STIM2: variants seen among roughly 807,000 people sequenced by gnomAD.
STIM2 encodes stromal interaction molecule 2.
In STIM2, 31 loss-of-function variants were observed where a neutral mutation model predicts 85.8. The ratio of observed to expected loss-of-function variants is 0.36; its 90% CI spans 0.27 to 0.49. The LOEUF (loss-of-function observed/expected upper bound fraction) is 0.49, where lower values mean the gene tolerates loss of function less well. Ranked by LOEUF, STIM2 falls within the 20% of genes least tolerant of loss-of-function variation. The pLI is 0.98. For synonymous variants in STIM2, 356 were observed against 331.1 expected (o/e 1.08, Z -0.82); for missense variants, 841 against 927.6 (o/e 0.91, Z 1.21).
At chr4:26,886,390 TTATC>T (rs1723252537) in intron 1 of STIM2, among the ~76,000 whole-genome samples, 1 of 152,210 alleles carries the variant, frequency 6.6e-6, no homozygotes, top group Admixed American at 6.5e-5. Context: ...AGACAAATAT[TTATC>T]AGGAGATGAT....
chr4:26,966,046 G>A (rs1392584957), intron 3 of STIM2, among the ~76,000 whole-genome samples: 1 of 152,036 alleles, frequency 6.6e-6, no homozygotes, highest in Non-Finnish European at 1.5e-5. Flanking sequence ...GCCTTATTAT[G>A]GTTTTCTATA....
Position 26,861,225 on chromosome 4 carries a change from G to C in STIM2, c.7G>C (p.Val3Leu), listed in dbSNP as rs1722168150. Residue 3 changes from valine (V) to leucine (L), a missense_variant, in exon 1 of 12, where the codon GTG becomes CTG. This residue lies in a region of STIM2 where 140 missense variants were observed against 117.7 expected (regional missense o/e 1.19). Coordinates refer to ENST00000467087, the MANE Select transcript of STIM2 (RefSeq NM_020860.4). The stretch of plus-strand genomic sequence containing the variant: ...GCGGCGGCGCTGGGCTGCGTTGCTG[G>C]TGCTCGGGCTGCTGGTAGCCGGAGC... 1.3e-6 allele frequency: 2 copies of C among 1,492,138 alleles called. No homozygotes were observed. The highest frequency in any genetic ancestry group is 1.4e-5 in the African/African-American group (1 of 69,172). The allele number at this position is 1,492,138 out of a possible 1,614,324, so 92.4% of individuals were successfully genotyped here.
intron 2 of STIM2, among the ~76,000 whole-genome samples, chr4:26,949,787 G>A (rs1414885421): frequency 6.6e-6 from 1 of 152,018 alleles, no homozygotes; most frequent in Non-Finnish European, 1.5e-5. Flanking sequence ...TTATCTTCCT[G>A]ATGGCCCATC....
intron 1 of STIM2, among the ~76,000 whole-genome samples, chr4:26,891,592 CACACA>C (rs1336377005): frequency 2.7e-5 from 4 of 146,748 alleles, no homozygotes; most frequent in South Asian, 2.1e-4. Flanking sequence ...CACACACACA[CACACA>C]CCCCCTTTTG....
chr4:26,861,746 ATTGCGGTATTGAGT>A (rs1722210970), intron 1 of STIM2: 1 of 150,300 alleles, frequency 6.7e-6, no homozygotes, highest in Admixed American at 7.3e-5. Context: ...CAGCAGCAGC[ATTGCGGTATTGAGT>A]CTACCTCTGG....
chr4:26,936,210 C>T (rs1429304176), intron 2 of STIM2, among the ~76,000 whole-genome samples: 1 of 152,258 alleles, frequency 6.6e-6, no homozygotes, highest in East Asian at 1.9e-4. Flanking sequence ...TCTACCTGGT[C>T]CCAGCATTTA....
chr4:26,891,089 A>T (rs1723458476), intron 1 of STIM2, among the ~76,000 whole-genome samples: 1 of 152,220 alleles, frequency 6.6e-6, no homozygotes, highest in South Asian at 2.1e-4. Flanking sequence ...TAATAGCTTT[A>T]TAGTTCAGTT....
At chr4:26,970,713 G>A (rs1043597185) in intron 3 of STIM2, among the ~76,000 whole-genome samples, 5 of 152,158 alleles carry the variant, frequency 3.3e-5, no homozygotes, top group African/African-American at 1.2e-4. Flanking sequence ...ACGTGTGCAT[G>A]TGTCTTTATA....
intron 3 of STIM2, among the ~76,000 whole-genome samples, chr4:26,990,397 A>C (rs561823261): frequency 6.6e-6 from 1 of 152,320 alleles, no homozygotes; most frequent in African/African-American, 2.4e-5. Flanking sequence ...AAAACTGGAT[A>C]TCTCTATGCA....
At chr4:26,909,849 C>T (rs867084108) in intron 1 of STIM2, among the ~76,000 whole-genome samples, 4 of 152,234 alleles carry the variant, frequency 2.6e-5, no homozygotes, top group East Asian at 1.9e-4. Context: ...GTGCTCATAA[C>T]GTGGTTAATG....
At chr4:26,959,120 T>G (rs1295680269) in intron 3 of STIM2, among the ~76,000 whole-genome samples, 1 of 152,212 alleles carries the variant, frequency 6.6e-6, no homozygotes, top group Non-Finnish European at 1.5e-5. Context: ...GTAAATTAGA[T>G]CTGCTCATTA....
chr4:26,901,792 C>G (rs1042789740), intron 1 of STIM2, among the ~76,000 whole-genome samples: 1 of 152,140 alleles, frequency 6.6e-6, no homozygotes, highest in Non-Finnish European at 1.5e-5. Flanking sequence ...GAGCTTAGGT[C>G]TGACTCCAGA....
Position 27,002,449 on chromosome 4 carries a change from A to T in STIM2, c.803+55A>T. ...TGTAGGCAAATACAATTTGTAAAAA[A>T]AGTGATATGGGCATGTGCTTAAATA... On this transcript the variant is annotated intron_variant, in intron 6 of 11. Transcript: ENST00000467087. The T allele has an allele frequency of 5.7e-6, 8 of 1,409,916 alleles. No individual in the cohort carries two copies. The South Asian group carries it at 1.1e-4, about 19-fold the overall frequency. 87.3% of individuals were successfully genotyped at this position (1,409,916 alleles called of 1,614,324 possible). A position where few individuals can be genotyped will look rare whatever the true frequency, so the allele number is the denominator to read the frequency against.
At chr4:26,868,215 G>A (rs1198990708) in intron 1 of STIM2, among the ~76,000 whole-genome samples, 20 of 152,314 alleles carry the variant, frequency 1.3e-4, no homozygotes. Flanking sequence ...ACAGAGCCTG[G>A]CAAGCGCAGT....
At chr4:26,958,863 A>G (rs1470479299) in intron 3 of STIM2, among the ~76,000 whole-genome samples, 1 of 152,172 alleles carries the variant, frequency 6.6e-6, no homozygotes, top group East Asian at 1.9e-4. Context: ...CTAAGAAGGG[A>G]GGTGGAGATC....
In STIM2 at chr4:26,981,839, A is replaced by G. The variant is rs1031428466; in HGVS notation, c.398-13540A>G. Among the ~76,000 whole-genome samples the G allele has an allele frequency of 2.0e-4, 30 of 152,068 alleles. 1 individual carries two copies. Among genetic ancestry groups the G allele is most frequent in the Admixed American group, 1.2e-3 (18 of 15,270 alleles). ...CAGGAGTGATTCTTTTTATTATATC[A>G]TTTTGGGTGGCACTTGGTATCATTT... is the stretch of plus-strand genomic sequence containing the variant. On this transcript the variant is annotated intron_variant, in intron 3 of 11. Transcript: ENST00000467087.
rs117983118 is a variant in STIM2 at position 26,883,945 on chromosome 4, C to G, written c.151+22576C>G. Reference sequence around the variant, plus strand: ...ATTTATCTTAGTCTTTGAAAAGTTACTGTGAACAGTAGTATTATCAGATTG... The same window carrying G: ...ATTTATCTTAGTCTTTGAAAAGTTAGTGTGAACAGTAGTATTATCAGATTG... On this transcript the variant is annotated intron_variant, in intron 1 of 11. Coordinates refer to ENST00000467087, the MANE Select transcript of STIM2 (RefSeq NM_020860.4). 1.4e-4 allele frequency among the ~76,000 whole-genome samples: 21 copies of G among 152,290 alleles called. No individual in the cohort carries two copies. The East Asian group carries it at 2.9e-3, about 21-fold the overall frequency.
intron 6 of STIM2, among the ~76,000 whole-genome samples, 186 bp downstream of exon 6, chr4:27,002,580 T>A (rs1406578196): frequency 1.3e-5 from 2 of 152,224 alleles, no homozygotes; most frequent in Non-Finnish European, 2.9e-5. Context: ...ATGTGTATAC[T>A]TGAGAATAAA....
At chr4:26,943,605 A>C (rs1034406604) in intron 2 of STIM2, among the ~76,000 whole-genome samples, 10 of 151,952 alleles carry the variant, frequency 6.6e-5, no homozygotes, top group Admixed American at 1.3e-4. Flanking sequence ...TTCTTCAAGG[A>C]GCTTTAATTT....
Sources: gnomAD v4.1 joint callset for allele counts (sites outside exome capture counted in the v4.1 genomes callset) on GRCh38, gnomAD v4.1.1 for gene constraint, gnomAD v4.1.1 regional missense constraint, MANE v1.5 for transcripts, NCBI Gene and HGNC (gene_info 2026-07-23, HGNC 2026-07-21) for gene names.